The following ZNF407 variants were observed in gnomAD, a reference collection of about 807,000 sequenced individuals.
ZNF407 encodes zinc finger protein 407.
In ZNF407, 17 loss-of-function variants were observed where a neutral mutation model predicts 131.2. The ratio of observed to expected loss-of-function variants is 0.13; its 90% CI spans 0.09 to 0.19. ZNF407 has a LOEUF of 0.19. Among genes scored for constraint, ZNF407 ranks in the 10% least tolerant of loss-of-function variants. The pLI, the probability that ZNF407 is intolerant of heterozygous loss-of-function variation, is 1.00. For missense variants in ZNF407, 2,681 were observed against 2,830.6 expected, an observed-to-expected ratio of 0.95 and a Z score of 1.20; for synonymous variants, 1,156 against 1,062.0, an observed-to-expected ratio of 1.09 and a Z score of -1.72.
At chr18:74,835,026 A>G (rs144682500) in intron 4 of ZNF407, among the ~76,000 whole-genome samples, 29 of 152,228 alleles carry the variant, frequency 1.9e-4, no homozygotes, top group African/African-American at 6.5e-4. Context: ...ATAGGAGGCA[A>G]ATTCCCCCTT....
At chr18:74,842,794 G>A (rs1442417369) in intron 4 of ZNF407, among the ~76,000 whole-genome samples, 1 of 152,076 alleles carries the variant, frequency 6.6e-6, no homozygotes, top group African/African-American at 2.4e-5. Flanking sequence ...TGGAATCTCG[G>A]CTCATTGCAA....
intron 6 of ZNF407, among the ~76,000 whole-genome samples, chr18:74,882,386 C>G (rs1294881116): frequency 1.3e-5 from 2 of 152,070 alleles, no homozygotes; most frequent in Non-Finnish European, 2.9e-5. Flanking sequence ...TCTCTTAGGT[C>G]TCATGAGAAT....
In ZNF407 at chr18:75,064,532, G is replaced by T; in HGVS notation, c.*64G>T. ...GAAGGTCCAGCTTCGGTGGGGGACC[G>T]TGTTCCCTGAGCTTCATCTGAAACC... is the stretch of plus-strand genomic sequence containing the variant. On this transcript the variant is annotated 3_prime_UTR_variant, in exon 9 of 9. Transcript: ENST00000299687. 2.2e-6 allele frequency: 3 copies of T among 1,339,272 alleles called. No individual in the cohort carries two copies. The highest frequency in any genetic ancestry group is 3.0e-6 in the Non-Finnish European group (3 of 1,002,032). The allele number at this position is 1,339,272 out of a possible 1,614,324, so 83.0% of individuals were successfully genotyped here.
chr18:74,689,950 C>G (rs1439412481), intron 3 of ZNF407, among the ~76,000 whole-genome samples: 4 of 152,078 alleles, frequency 2.6e-5, no homozygotes, highest in Non-Finnish European at 5.9e-5. Context: ...CACTGGGCAC[C>G]AAGCTGTGCA....
intron 4 of ZNF407, among the ~76,000 whole-genome samples, chr18:74,803,375 TG>T (rs1970054642): frequency 1.3e-5 from 2 of 152,162 alleles, no homozygotes; most frequent in South Asian, 4.1e-4. Context: ...GTGCTGGTCC[TG>T]TCATCGATAG....
At chr18:74,942,708 G>A (rs1053284325) in intron 8 of ZNF407, among the ~76,000 whole-genome samples, 1 of 152,098 alleles carries the variant, frequency 6.6e-6, no homozygotes, top group Non-Finnish European at 1.5e-5. Flanking sequence ...CATCTGGGGC[G>A]CTTCCTCTCC....
intron 3 of ZNF407, among the ~76,000 whole-genome samples, chr18:74,763,922 C>A (rs35816548): frequency 0.17 from 25,178 of 151,208 alleles, 3,785 homozygotes; most frequent in African/African-American, 0.4. Context: ...ACCGTGTTAG[C>A]CAGGATGGTC....
At chr18:74,750,348 C>T (rs572856284) in intron 3 of ZNF407, among the ~76,000 whole-genome samples, 1 of 152,252 alleles carries the variant, frequency 6.6e-6, no homozygotes, top group South Asian at 2.1e-4. Flanking sequence ...ATGAGTGGTG[C>T]AGTATGTTCT....
intron 8 of ZNF407, among the ~76,000 whole-genome samples, chr18:74,955,686 C>A (rs1972267458): frequency 6.6e-6 from 1 of 152,172 alleles, no homozygotes; most frequent in Non-Finnish European, 1.5e-5. Context: ...ACCCTGTTTT[C>A]CAAGGTGGTG....
intron 3 of ZNF407, 92 bp downstream of exon 3, chr18:74,641,214 G>A: frequency 2.0e-6 from 2 of 978,374 alleles, no homozygotes; most frequent in Non-Finnish European, 3.2e-6. Flanking sequence ...AGGAGTAAGA[G>A]TGGCTAAAAT....
chr18:74,882,707 C>T (rs1039874329), intron 6 of ZNF407, among the ~76,000 whole-genome samples: 4 of 152,122 alleles, frequency 2.6e-5, no homozygotes, highest in African/African-American at 9.7e-5. Context: ...TGTATAGAAG[C>T]CACCTGTGCA....
intron 8 of ZNF407, among the ~76,000 whole-genome samples, chr18:75,009,039 C>G (rs953148173): frequency 8.5e-5 from 13 of 152,150 alleles, no homozygotes; most frequent in African/African-American, 2.9e-4. Flanking sequence ...CATTTCTATT[C>G]TGTTTTAATA....
rs551535663 is a variant in ZNF407 at position 74,772,338 on chromosome 18, A to G, written c.4803-9090A>G. Among the ~76,000 whole-genome samples the G allele has an allele frequency of 3.9e-4, 59 of 152,294 alleles. No homozygotes were observed. The East Asian group carries it at 0.011, about 29-fold the overall frequency. On this transcript the variant is annotated intron_variant, in intron 3 of 8. Coordinates refer to ENST00000299687, the MANE Select transcript of ZNF407 (RefSeq NM_017757.3). ...TACTTATAGAAAAACAACCCTATAA[A>G]TCATCTAAATCTAAATCCCATGTCA...
chr18:74,619,110 A>AT (rs1411543952), intron 1 of ZNF407, among the ~76,000 whole-genome samples: 1 of 152,042 alleles, frequency 6.6e-6, no homozygotes, highest in Admixed American at 6.5e-5. Flanking sequence ...TGGAAGTACT[A>AT]TTTTTTTCCC....
intron 7 of ZNF407, among the ~76,000 whole-genome samples, chr18:74,917,085 A>G (rs1971782514): frequency 6.6e-6 from 1 of 152,030 alleles, no homozygotes; most frequent in Admixed American, 6.6e-5. Flanking sequence ...GTTTTAGTGG[A>G]GAGATAGATC....
At chr18:75,016,293 T>A (rs1485043829) in intron 8 of ZNF407, among the ~76,000 whole-genome samples, 2 of 152,080 alleles carry the variant, frequency 1.3e-5, no homozygotes, top group African/African-American at 2.4e-5. Context: ...ATTTCCTTAT[T>A]TGGGGCTAAT....
At chr18:74,814,594 T>C (rs532394439) in intron 4 of ZNF407, among the ~76,000 whole-genome samples, 10 of 152,334 alleles carry the variant, frequency 6.6e-5, no homozygotes, top group African/African-American at 1.9e-4. Flanking sequence ...TCTGTCAATT[T>C]CCAGTGCCCT....
intron 8 of ZNF407, among the ~76,000 whole-genome samples, chr18:74,925,564 G>A (rs1971902829): frequency 6.6e-6 from 1 of 152,166 alleles, no homozygotes; most frequent in Non-Finnish European, 1.5e-5. Context: ...ATAGAACCTT[G>A]TAGAATAGAA....
Position 74,631,333 on chromosome 18 carries a change from G to T in ZNF407, c.314G>T (p.Gly105Val), listed in dbSNP as rs1984060324. The change falls in exon 2 of 9, where the codon GGT becomes GTT. Residue 105 changes from glycine (G) to valine (V), a missense_variant. Physicochemically the swap from Gly to Val is moderately radical, Grantham distance 109 (BLOSUM62 -3). Transcript: ENST00000299687. ...TCTGAGAGCTCAGTCACAGAAGGGG[G>T]TATTGCATTAGATGAAACAGGGAAG... ...ETSESSVTEG[G>V]IALDETGKET... 1 of 1,613,996 alleles carries T rather than the reference G, an allele frequency of 6.2e-7. No homozygotes were observed. Among genetic ancestry groups the T allele is most frequent in the Non-Finnish European group, 8.5e-7 (1 of 1,179,886 alleles).
Sources: allele counts gnomAD v4.1 joint callset (sites outside exome capture counted in the v4.1 genomes callset), GRCh38; gene constraint gnomAD v4.1.1; transcripts MANE v1.5; gene names NCBI Gene and HGNC (gene_info 2026-07-23, HGNC 2026-07-21).